The following ZCCHC7 variants were observed in gnomAD, a reference collection of about 807,000 sequenced individuals.
ZCCHC7 encodes zinc finger CCHC domain-containing protein 7.
Under a neutral mutation model 52.0 loss-of-function variants are expected in ZCCHC7, and 35 were observed. The ratio of observed to expected loss-of-function variants is 0.67; its 90% confidence interval spans 0.51 to 0.89. The LOEUF (loss-of-function observed/expected upper bound fraction) is 0.89. Among genes scored for constraint, ZCCHC7 ranks in the 40% least tolerant of loss-of-function variants. The pLI is 0.00. For missense variants in ZCCHC7, 574 were observed against 649.1 expected, an observed-to-expected ratio of 0.88 and a Z score of 1.26; for synonymous variants, 217 against 221.5, an observed-to-expected ratio of 0.98 and a Z score of 0.18.
chr9:37,265,072 C>T (rs1827038604), intron 2 of ZCCHC7, among the ~76,000 whole-genome samples: 1 of 152,148 alleles, frequency 6.6e-6, no homozygotes, highest in Non-Finnish European at 1.5e-5. Flanking sequence ...TGTTCTTCCT[C>T]CTGGTTAAGA....
At chr9:37,211,284 G>C (rs547544417) in intron 2 of ZCCHC7, among the ~76,000 whole-genome samples, 2 of 152,260 alleles carry the variant, frequency 1.3e-5, no homozygotes, top group East Asian at 3.9e-4. Context: ...TTCAATGAAG[G>C]TGTGAAGTTT....
intron 2 of ZCCHC7, among the ~76,000 whole-genome samples, chr9:37,133,129 C>G (rs1842861668): frequency 6.6e-6 from 1 of 152,100 alleles, no homozygotes; most frequent in Non-Finnish European, 1.5e-5. Flanking sequence ...GTGAGAGAGA[C>G]TCTGTCTCAG....
rs562788288 is a variant in ZCCHC7 at position 37,152,780 on chromosome 9, A to G, written c.610+25838A>G. 2.0e-5 allele frequency among the ~76,000 whole-genome samples: 3 copies of G among 152,318 alleles called. No homozygotes were observed. The East Asian group carries it at 5.8e-4, about 29-fold the overall frequency. Reference sequence around the variant, plus strand: ...GAGGTCGTGTTTGTCTGGTTTCTCTACTGTGAAGGTATTCTTTTTTCCCCC... The same window carrying G: ...GAGGTCGTGTTTGTCTGGTTTCTCTGCTGTGAAGGTATTCTTTTTTCCCCC... On this transcript the variant is annotated intron_variant, in intron 2 of 8. Coordinates refer to ENST00000336755, the MANE Select transcript of ZCCHC7 (RefSeq NM_032226.3).
Position 37,126,740 on chromosome 9 carries a change from T to C in ZCCHC7, c.408T>C (p.Asp136=). 1 of 1,614,164 alleles carries C rather than the reference T, an allele frequency of 6.2e-7. No homozygotes were observed. Among genetic ancestry groups the C allele is most frequent in the Non-Finnish European group, 8.5e-7 (1 of 1,180,034 alleles). ...NELVDKKCKS[D]IEKPKSEERS... ...TGGTTGATAAGAAATGCAAGAGTGA[T>C]ATTGAGAAGCCTAAATCTGAAGAGA... Residue 136 remains aspartate (D), a synonymous_variant, in exon 2 of 9, where the codon GAT becomes GAC. Transcript: ENST00000336755.
chr9:37,257,811 A>C (rs190332477), intron 2 of ZCCHC7, among the ~76,000 whole-genome samples: 3 of 152,146 alleles, frequency 2.0e-5, no homozygotes, highest in African/African-American at 4.8e-5. Context: ...CCATGATTCT[A>C]AGTTTCCTGA....
At chr9:37,164,441 T>TTAGA (rs58626855) in intron 2 of ZCCHC7, among the ~76,000 whole-genome samples, 7,003 of 139,442 alleles carry the variant, frequency 0.05, 237 homozygotes, top group Admixed American at 0.06. Flanking sequence ...TGAGACTGTC[T>TTAGA]TAGATAGATA....
intron 5 of ZCCHC7, among the ~76,000 whole-genome samples, chr9:37,306,632 A>ATT (rs1020152093): frequency 1.4e-5 from 2 of 142,220 alleles, no homozygotes; most frequent in Non-Finnish European, 3.1e-5. Flanking sequence ...CACCTGGCTA[A>ATT]TTTTTTATTT....
chr9:37,149,158 A>G (rs1245485265), intron 2 of ZCCHC7, among the ~76,000 whole-genome samples: 1 of 152,192 alleles, frequency 6.6e-6, no homozygotes, highest in African/African-American at 2.4e-5. Context: ...GTTTTGTAAT[A>G]GCTTAATTTC....
Position 37,309,446 on chromosome 9 carries a change from A to C in ZCCHC7, c.951+3732A>C, listed in dbSNP as rs138578453. On this transcript the variant is annotated intron_variant, in intron 5 of 8. Coordinates refer to ENST00000336755, the MANE Select transcript of ZCCHC7 (RefSeq NM_032226.3). ...GAGATGATATCAGCCTCTTTCTCAC[A>C]TGCCATGGCTGCTTTTAAGTCATTA... Among the ~76,000 whole-genome samples the C allele has an allele frequency of 8.5e-5, 13 of 152,304 alleles. No individual in the cohort carries two copies. The East Asian group carries it at 2.3e-3, about 27-fold the overall frequency.
intron 2 of ZCCHC7, among the ~76,000 whole-genome samples, chr9:37,219,660 C>A (rs983295082): frequency 1.3e-5 from 2 of 152,020 alleles, no homozygotes; most frequent in Non-Finnish European, 2.9e-5. Context: ...TAGCCCATAG[C>A]CAGTTGGATT....
At chr9:37,181,227 AT>A (rs953749871) in intron 2 of ZCCHC7, among the ~76,000 whole-genome samples, 2 of 150,962 alleles carry the variant, frequency 1.3e-5, no homozygotes, top group African/African-American at 2.4e-5. Flanking sequence ...GGTAGATGAG[AT>A]TTTTTTTTCA....
At chr9:37,136,007 A>C (rs1452723039) in intron 2 of ZCCHC7, among the ~76,000 whole-genome samples, 1 of 152,026 alleles carries the variant, frequency 6.6e-6, no homozygotes, top group Non-Finnish European at 1.5e-5. Context: ...CTAGTAAATC[A>C]TTTTGTTTGA....
At position 37,126,549 on chromosome 9, in the gene ZCCHC7, A is replaced by G. The variant is rs889832102; in HGVS notation, c.217A>G (p.Lys73Glu). The G allele has an allele frequency of 3.1e-6, 5 of 1,614,134 alleles. No homozygotes were observed. In the Admixed American group the frequency reaches 6.7e-5, roughly 22 times the overall value. Residue 73 changes from lysine (K) to glutamate (E), a missense_variant, in exon 2 of 9, where the codon AAG becomes GAG. This residue lies in a region of ZCCHC7 where 403 missense variants were observed against 461.2 expected (regional missense o/e 0.87). Coordinates refer to ENST00000336755, the MANE Select transcript of ZCCHC7 (RefSeq NM_032226.3). The part of the protein sequence containing the change: ...ESSSSKPNQK[K>E]LIVLSDSEVI... ...TTCGAGTAGTAAACCAAATCAGAAG[A>G]AGCTAATCGTCCTTTCAGATAGTGA...
chr9:37,302,146 T>TTA (rs764446322), intron 2 of ZCCHC7, 42 bp from the exon 3 acceptor site: 1,223 of 1,543,882 alleles, frequency 7.9e-4, no homozygotes, highest in Non-Finnish European at 1.0e-3. Context: ...TATAAGTCCT[T>TTA]TAAAAGTGCC....
At chr9:37,348,343 G>GTTTGTTCTTTCT (rs1554736695) in intron 6 of ZCCHC7, among the ~76,000 whole-genome samples, 2 of 100,018 alleles carry the variant, frequency 2.0e-5, no homozygotes, top group African/African-American at 6.6e-5. Flanking sequence ...AGTGATACCA[G>GTTTGTTCTTTCT]TTCGTTCTTT....
chr9:37,181,954 G>T (rs1316465152), intron 2 of ZCCHC7, among the ~76,000 whole-genome samples: 1 of 152,062 alleles, frequency 6.6e-6, no homozygotes, highest in African/African-American at 2.4e-5. Context: ...CAAAGTGCTG[G>T]GATTCAGGCA....
intron 2 of ZCCHC7, among the ~76,000 whole-genome samples, chr9:37,212,041 A>AAAG (rs1824258165): frequency 1.2e-5 from 1 of 83,610 alleles, no homozygotes; most frequent in Non-Finnish European, 2.9e-5. Context: ...AAAAAAAAAA[A>AAAG]AAAAAAAAAA....
chr9:37,208,941 C>T (rs1288195239), intron 2 of ZCCHC7, among the ~76,000 whole-genome samples: 1 of 152,164 alleles, frequency 6.6e-6, no homozygotes, highest in Non-Finnish European at 1.5e-5. Flanking sequence ...CCTATCAATG[C>T]TCTGCTTCAG....
At chr9:37,211,911 CCAGCTACTTGGGAGGCTGAGGCGA>C (rs1349123618) in intron 2 of ZCCHC7, among the ~76,000 whole-genome samples, 5 of 151,464 alleles carry the variant, frequency 3.3e-5, no homozygotes, top group Non-Finnish European at 7.4e-5. Context: ...GCCTGTAGTC[CCAGCTACTTGGGAGGCTGAGGCGA>C]CAGAATGGCA....
Sources: gnomAD v4.1 joint callset for allele counts (sites outside exome capture counted in the v4.1 genomes callset) on GRCh38, gnomAD v4.1.1 for gene constraint, gnomAD v4.1.1 regional missense constraint, MANE v1.5 for transcripts, NCBI Gene and HGNC (gene_info 2026-07-23, HGNC 2026-07-21) for gene names.